ANKS1B: variants seen among roughly 807,000 people sequenced by gnomAD.
The protein encoded by ANKS1B is ankyrin repeat and sterile alpha motif domain-containing protein 1B.
ANKS1B carries 36 observed loss-of-function variants against 148.3 expected under a neutral mutation model. That is an observed-to-expected ratio of 0.24 (90% CI 0.19 to 0.32). The LOEUF is 0.32. ANKS1B is among the 10% of genes least tolerant of loss of function. ANKS1B has a pLI of 1.00. For missense variants in ANKS1B, 1,157 were observed against 1,542.6 expected, an observed-to-expected ratio of 0.75 and a Z score of 4.19; for synonymous variants, 542 against 560.8, an observed-to-expected ratio of 0.97 and a Z score of 0.47.
At chr12:99,311,066 C>A (rs2083082878) in intron 12 of ANKS1B, among the ~76,000 whole-genome samples, 1 of 152,042 alleles carries the variant, frequency 6.6e-6, no homozygotes, top group Non-Finnish European at 1.5e-5. Context: ...ATAAATGTTA[C>A]CTATTATTAC....
At position 99,509,815 on chromosome 12, in the gene ANKS1B, C is replaced by A. The variant is rs1596084310; in HGVS notation, c.1273-5174G>T. Among the ~76,000 whole-genome samples, 4 of 152,096 alleles carry A rather than the reference C, an allele frequency of 2.6e-5. No homozygotes were observed. In the South Asian group the frequency reaches 8.3e-4, roughly 31 times the overall value. On this transcript the variant is annotated intron_variant, in intron 9 of 26. Coordinates refer to ENST00000683438, the MANE Select transcript of ANKS1B (RefSeq NM_001352186.2). ...CAGAAGATGTCATTTAGGACTTTCA[C>A]AGCTAGAGAAGAGAAGTCAATGCTT...
intron 14 of ANKS1B, among the ~76,000 whole-genome samples, chr12:99,206,141 C>T (rs2153904043): frequency 6.6e-6 from 1 of 152,280 alleles, no homozygotes; most frequent in South Asian, 2.1e-4. Flanking sequence ...ACAAGGTACG[C>T]TGTGAAAGCA....
At chr12:99,120,084 C>A (rs2062377817) in intron 15 of ANKS1B, among the ~76,000 whole-genome samples, 1 of 152,250 alleles carries the variant, frequency 6.6e-6, no homozygotes, top group South Asian at 2.1e-4. Flanking sequence ...GGTGGGAACG[C>A]ACCCTGGACG....
At chr12:99,367,389 T>C (rs2092827480) in intron 12 of ANKS1B, among the ~76,000 whole-genome samples, 1 of 152,152 alleles carries the variant, frequency 6.6e-6, no homozygotes, top group African/African-American at 2.4e-5. Flanking sequence ...TTGGCACACA[T>C]CCAAACATTT....
At chr12:98,986,007 C>G (rs2099923129) in intron 17 of ANKS1B, among the ~76,000 whole-genome samples, 2 of 152,092 alleles carry the variant, frequency 1.3e-5, no homozygotes, top group Admixed American at 6.6e-5. Flanking sequence ...TTATAGAATT[C>G]AGAGTTGACA....
intron 14 of ANKS1B, among the ~76,000 whole-genome samples, chr12:99,200,700 C>T (rs973250693): frequency 1.3e-5 from 2 of 152,094 alleles, no homozygotes; most frequent in Admixed American, 6.6e-5. Context: ...TGTCTAAATT[C>T]AGGAAAGTCA....
At chr12:99,695,320 T>C (rs2053725977) in intron 8 of ANKS1B, among the ~76,000 whole-genome samples, 1 of 152,234 alleles carries the variant, frequency 6.6e-6, no homozygotes. Flanking sequence ...TCTAATTTAA[T>C]ATTTACTGAT....
intron 9 of ANKS1B, among the ~76,000 whole-genome samples, chr12:99,652,281 T>C (rs1444123060): frequency 6.6e-6 from 1 of 151,938 alleles, no homozygotes; most frequent in African/African-American, 2.4e-5. Flanking sequence ...GAGATGAGAT[T>C]GGCCAATATT....
intron 10 of ANKS1B, among the ~76,000 whole-genome samples, chr12:99,487,909 CAT>C (rs1421250522): frequency 1.7e-4 from 26 of 152,068 alleles, no homozygotes; most frequent in African/African-American, 6.3e-4. Context: ...CTGAATGAAA[CAT>C]GACATATTAA....
intron 17 of ANKS1B, among the ~76,000 whole-genome samples, chr12:98,985,814 T>A (rs949412949): frequency 2.0e-5 from 3 of 152,186 alleles, no homozygotes; most frequent in African/African-American, 7.2e-5. Context: ...TCTACACTTT[T>A]AACATTTCCA....
intron 16 of ANKS1B, among the ~76,000 whole-genome samples, chr12:99,075,091 A>C (rs1375239589): frequency 2.0e-5 from 3 of 152,202 alleles, no homozygotes; most frequent in African/African-American, 7.2e-5. Flanking sequence ...GTACAGAAGG[A>C]GATGATGTTT....
chr12:99,291,067 A>G (rs1344409270), intron 12 of ANKS1B, among the ~76,000 whole-genome samples: 1 of 152,184 alleles, frequency 6.6e-6, no homozygotes, highest in Non-Finnish European at 1.5e-5. Flanking sequence ...AAACCAACAT[A>G]CAATAATCAA....
intron 17 of ANKS1B, among the ~76,000 whole-genome samples, chr12:98,994,155 T>C (rs746445867): frequency 4.6e-5 from 7 of 152,288 alleles, no homozygotes; most frequent in Non-Finnish European, 8.8e-5. Context: ...TAATTATTAT[T>C]TATCCCCATA....
At chr12:98,742,715 C>T (rs578150148), downstream of ANKS1B, among the ~76,000 whole-genome samples, 5 of 152,366 alleles carry the variant, frequency 3.3e-5, no homozygotes, top group African/African-American at 1.2e-4. Context: ...TGAGCAAGTT[C>T]AAAGCGCCGT....
At chr12:99,317,051 T>G (rs1291590134) in intron 12 of ANKS1B, among the ~76,000 whole-genome samples, 1 of 152,230 alleles carries the variant, frequency 6.6e-6, no homozygotes, top group East Asian at 1.9e-4. Context: ...ACCAGTACCA[T>G]GCTGTTTTGG....
chr12:98,804,505 T>C (rs563168493), intron 20 of ANKS1B, among the ~76,000 whole-genome samples: 3 of 152,116 alleles, frequency 2.0e-5, no homozygotes, highest in South Asian at 2.1e-4. Context: ...ATTAATTTAA[T>C]GGGAATGGAT....
chr12:99,843,068 G>A (rs1323260176), intron 1 of ANKS1B, among the ~76,000 whole-genome samples: 3 of 152,024 alleles, frequency 2.0e-5, no homozygotes, highest in Non-Finnish European at 2.9e-5. Context: ...TTTGTATTAA[G>A]GCTTTTTTCC....
At chr12:99,514,326 T>C (rs569202562) in intron 9 of ANKS1B, among the ~76,000 whole-genome samples, 6 of 152,174 alleles carry the variant, frequency 3.9e-5, no homozygotes, top group African/African-American at 1.2e-4. Flanking sequence ...AATCTTCATA[T>C]AGTACGTATT....
At chr12:99,655,244 T>C in intron 8 of ANKS1B, 34 bp from the exon 9 acceptor site, 1 of 1,495,174 alleles carries the variant, frequency 6.7e-7, no homozygotes, top group Non-Finnish European at 9.1e-7. Flanking sequence ...CAATATATTA[T>C]ATCAATGATA....
Sources: allele counts gnomAD v4.1 joint callset (sites outside exome capture counted in the v4.1 genomes callset), GRCh38; gene constraint gnomAD v4.1.1; transcripts MANE v1.5; gene names NCBI Gene and HGNC (gene_info 2026-07-23, HGNC 2026-07-21).